The following CPT1A variants were observed in gnomAD, a reference collection of about 807,000 sequenced individuals.
CPT1A encodes the protein carnitine O-palmitoyltransferase 1, liver isoform.
CPT1A carries 64 observed loss-of-function variants against 100.8 expected under a neutral mutation model. That is an observed-to-expected ratio of 0.63 (90% confidence interval 0.52 to 0.78). CPT1A has a LOEUF of 0.78. CPT1A is among the 30% of genes least tolerant of loss of function. The probability of loss-of-function intolerance (pLI) is 0.00; values close to 1 mark genes in which losing one functional copy is unlikely to be tolerated. For missense variants in CPT1A, 802 were observed against 1,034.1 expected, an observed-to-expected ratio of 0.78 and a Z score of 3.08; for synonymous variants, 363 against 396.0, an observed-to-expected ratio of 0.92 and a Z score of 0.99.
At chr11:68,781,341 CA>C (rs2153997855) in intron 11 of CPT1A, among the ~76,000 whole-genome samples, 1 of 152,292 alleles carries the variant, frequency 6.6e-6, no homozygotes, top group African/African-American at 2.4e-5. Flanking sequence ...GAAGGTTGGC[CA>C]GGCGCAGTGG....
At chr11:68,790,580 AG>A (rs2153999235) in intron 9 of CPT1A, among the ~76,000 whole-genome samples, 1 of 152,268 alleles carries the variant, frequency 6.6e-6, no homozygotes, top group South Asian at 2.1e-4. Flanking sequence ...AGAGGCATAA[AG>A]GCCTCCCCCA....
chr11:68,824,990 G>A (rs11228367), intron 1 of CPT1A, among the ~76,000 whole-genome samples: 1 of 152,028 alleles, frequency 6.6e-6, no homozygotes, highest in African/African-American at 2.4e-5. Context: ...ATATAGCCCA[G>A]ATTACACCGT....
At position 68,761,564 on chromosome 11, in the gene CPT1A, G is replaced by A. The variant is rs1854617151; in HGVS notation, c.1999C>T (p.Leu667Phe). The change falls in exon 16 of 19, where the codon CTC (leucine) becomes TTC (phenylalanine). Residue 667 changes from leucine to phenylalanine, a missense_variant. Leu to Phe is a conservative substitution (Grantham distance 22). Around this residue, in one of 4 missense-constraint regions of CPT1A, gnomAD observed 627 missense variants for 799.3 expected, o/e 0.78. Coordinates refer to ENST00000265641, the MANE Select transcript of CPT1A (RefSeq NM_001876.4). ...LFCLYVVSKYLAVESPFLKEV... is the reference protein window; with the variant it reads ...LFCLYVVSKYFAVESPFLKEV... ...TTAAGGAAAGGGGACTCCACAGCGA[G>A]ATATTTAGACACCACGTAAAGGCAG... is the stretch of plus-strand genomic sequence containing the variant. The A allele has an allele frequency of 6.2e-7, 1 of 1,613,978 alleles. No homozygotes were observed. Among genetic ancestry groups the A allele is most frequent in the Non-Finnish European group, 8.5e-7 (1 of 1,180,040 alleles).
intron 1 of CPT1A, among the ~76,000 whole-genome samples, chr11:68,821,139 T>A (rs893232589): frequency 1.3e-5 from 2 of 152,084 alleles, no homozygotes; most frequent in African/African-American, 4.8e-5. Context: ...TCTGGCTAAT[T>A]TTTGTATTTT....
chr11:68,819,170 C>T (rs1856512565), intron 1 of CPT1A, among the ~76,000 whole-genome samples: 1 of 152,128 alleles, frequency 6.6e-6, no homozygotes, highest in Non-Finnish European at 1.5e-5. Flanking sequence ...CTTCCACCTC[C>T]CGGGTTCAAG....
intron 1 of CPT1A, among the ~76,000 whole-genome samples, chr11:68,833,199 C>T (rs1294700602): frequency 6.6e-6 from 1 of 152,286 alleles, no homozygotes; most frequent in Middle Eastern, 3.4e-3. Flanking sequence ...CAGGAAGGCT[C>T]TGGAAGGACA....
chr11:68,813,056 CAAA>C (rs751161035), intron 2 of CPT1A, among the ~76,000 whole-genome samples: 4 of 127,188 alleles, frequency 3.1e-5, no homozygotes, highest in Admixed American at 1.6e-4. Flanking sequence ...ATACTCCAGC[CAAA>C]AAAAAAAAAG....
chr11:68,843,612 G>C (rs1194783511), upstream of CPT1A, among the ~76,000 whole-genome samples: 1 of 152,208 alleles, frequency 6.6e-6, no homozygotes, highest in Non-Finnish European at 1.5e-5. The surrounding 1 kb of genome is among the most constrained non-coding windows in gnomAD (Gnocchi z 4.0). Context: ...TAAAAGGAGG[G>C]GTGGGGGAGG....
chr11:68,762,529 A>T, intron 15 of CPT1A, 98 bp downstream of exon 15: 1 of 1,480,722 alleles, frequency 6.8e-7, no homozygotes, highest in South Asian at 1.1e-5. Flanking sequence ...AAGAAGGTAC[A>T]GGAATGATGA....
At chr11:68,840,164 T>TA (rs761674731) in intron 1 of CPT1A, among the ~76,000 whole-genome samples, 2 of 152,198 alleles carry the variant, frequency 1.3e-5, no homozygotes, top group South Asian at 2.1e-4. Context: ...CGAATGCTGA[T>TA]AGTCCCCAGA....
At chr11:68,794,474 T>C (rs1000938366) in intron 8 of CPT1A, among the ~76,000 whole-genome samples, 7 of 152,204 alleles carry the variant, frequency 4.6e-5, no homozygotes, top group Non-Finnish European at 7.4e-5. Flanking sequence ...GCAATGGTGT[T>C]ATCTTGGCTC....
At chr11:68,816,821 G>A (rs1425515660) in intron 1 of CPT1A, among the ~76,000 whole-genome samples, 2 of 146,402 alleles carry the variant, frequency 1.4e-5, no homozygotes. Flanking sequence ...TGTGTGTGGT[G>A]TGTGTGGTGT....
intron 7 of CPT1A, among the ~76,000 whole-genome samples, chr11:68,795,761 T>C (rs180727495): frequency 2.0e-5 from 3 of 151,918 alleles, no homozygotes; most frequent in Admixed American, 2.0e-4. Flanking sequence ...AATACAAAAA[T>C]TAGCCGGGCG....
At position 68,762,702 on chromosome 11, in the gene CPT1A, C is replaced by A. The variant is rs745966632; in HGVS notation, c.1800G>T (p.Gly600=). 22 of 1,613,918 alleles carry A rather than the reference C, an allele frequency of 1.4e-5. No homozygotes were observed. The highest frequency in any genetic ancestry group is 1.8e-5 in the Non-Finnish European group (21 of 1,180,028). Residue 600 remains glycine (G), a synonymous_variant, in exon 15 of 19, where the codon GGG becomes GGT. Transcript: ENST00000265641. ...EASMTRLFRE[G]RTETVRSCTT... ...TGCAGGAGCGCACGGTCTCCGTCCTCCCCTCTCGGAAGAGCCGGGTCATGG... is the reference window on the plus strand; with the variant it reads ...TGCAGGAGCGCACGGTCTCCGTCCTACCCTCTCGGAAGAGCCGGGTCATGG...
In CPT1A at chr11:68,775,356, A is replaced by G; in HGVS notation, c.1535T>C (p.Ile512Thr). 1 of 1,614,206 alleles carries G rather than the reference A, an allele frequency of 6.2e-7. No individual in the cohort carries two copies. The highest frequency in any genetic ancestry group is 8.5e-7 in the Non-Finnish European group (1 of 1,180,030). ...GHCKGDINPN[I>T]PYPTRLQWDI... is the part of the protein sequence containing the mutation. ...CCACTGCAGCCTGGTGGGGTACGGA[A>G]TGTTCGGATTGATGTCGCCTTTGCA... Residue 512 changes from isoleucine (I) to threonine (T), a missense_variant, in exon 13 of 19, where the codon ATT (isoleucine) becomes ACT (threonine). By Grantham distance (89) the Ile-to-Thr change is moderately conservative (BLOSUM62 -1). Transcript: ENST00000265641.
At chr11:68,759,469 T>C (rs1306712778) in intron 18 of CPT1A, 100 bp downstream of exon 18, 9 of 828,872 alleles carry the variant, frequency 1.1e-5, no homozygotes, top group Non-Finnish European at 1.9e-5. Context: ...AAGCAGGCAG[T>C]TGAATTGACT....
intron 5 of CPT1A, among the ~76,000 whole-genome samples, chr11:68,800,996 C>T (rs1855891587): frequency 6.6e-6 from 1 of 151,944 alleles, no homozygotes; most frequent in African/African-American, 2.4e-5. Flanking sequence ...GTGGCCCCAA[C>T]TACTTGGGAG....
chr11:68,761,811 A>G, intron 15 of CPT1A, 124 bp from the exon 16 acceptor site: 2 of 1,180,714 alleles, frequency 1.7e-6, no homozygotes, highest in Non-Finnish European at 2.5e-6. Flanking sequence ...GGGTTTCAAC[A>G]TGTTGCCCAG....
chr11:68,816,976 TGGGG>T (rs367736741), intron 1 of CPT1A, among the ~76,000 whole-genome samples: 1 of 80,780 alleles, frequency 1.2e-5, no homozygotes, highest in Non-Finnish European at 2.3e-5. Context: ...GTGTGTGGTG[TGGGG>T]GGGTGCGTGG....
Sources: gnomAD v4.1 joint callset for allele counts (sites outside exome capture counted in the v4.1 genomes callset) on GRCh38, gnomAD v4.1.1 for gene constraint, gnomAD v4.1.1 regional missense constraint, Gnocchi (gnomAD v3.1) non-coding constraint, MANE v1.5 for transcripts, NCBI Gene and HGNC (gene_info 2026-07-23, HGNC 2026-07-21) for gene names.